Variants in AUTS2 observed in about 807,000 individuals in gnomAD.
The protein encoded by AUTS2 is activator of transcription and developmental regulator AUTS2.
In AUTS2, 17 loss-of-function variants were observed where a neutral mutation model predicts 112.4. The observed-to-expected ratio is 0.15, with a 90% CI of 0.10 to 0.23. The LOEUF is 0.23. Ranked by LOEUF, AUTS2 falls within the 10% of genes least tolerant of loss-of-function variation. AUTS2 has a pLI of 1.00. For synonymous variants in AUTS2, 751 were observed against 702.7 expected (o/e 1.07, Z -1.09); for missense variants, 1,510 against 1,701.6 (o/e 0.89, Z 1.98).
At chr7:70,123,021 G>T (rs1044734308) in intron 3 of AUTS2, among the ~76,000 whole-genome samples, 1 of 151,898 alleles carries the variant, frequency 6.6e-6, no homozygotes, top group African/African-American at 2.4e-5. Flanking sequence ...GATTACAGGC[G>T]CTTGCCACCA....
At chr7:70,412,426 C>T (rs1310694917) in intron 4 of AUTS2, among the ~76,000 whole-genome samples, 1 of 152,060 alleles carries the variant, frequency 6.6e-6, no homozygotes, top group Non-Finnish European at 1.5e-5. Flanking sequence ...CTAAGTAAAT[C>T]CTTGTCAAGG....
At chr7:70,035,354 T>C (rs976780732) in intron 2 of AUTS2, among the ~76,000 whole-genome samples, 1 of 152,166 alleles carries the variant, frequency 6.6e-6, no homozygotes, top group Non-Finnish European at 1.5e-5. Context: ...CCCTGTGGCA[T>C]CAGGATTAGG....
intron 1 of AUTS2, among the ~76,000 whole-genome samples, chr7:69,756,863 A>G (rs533405340): frequency 2.0e-5 from 3 of 152,178 alleles, no homozygotes; most frequent in Non-Finnish European, 4.4e-5. Context: ...TGTTTATTGA[A>G]TTAGTGAATG....
chr7:69,645,187 C>T (rs939875958), intron 1 of AUTS2, among the ~76,000 whole-genome samples: 1 of 151,476 alleles, frequency 6.6e-6, no homozygotes, highest in Non-Finnish European at 1.5e-5. Context: ...ACTGAGATTA[C>T]AGGCATGAGC....
chr7:70,384,608 A>T (rs1243676610), intron 4 of AUTS2, among the ~76,000 whole-genome samples: 2 of 152,176 alleles, frequency 1.3e-5, no homozygotes, highest in African/African-American at 4.8e-5. Context: ...TTGTCTGTGC[A>T]GGGAAAAGAG....
chr7:70,231,562 C>A (rs962060153), intron 4 of AUTS2, among the ~76,000 whole-genome samples: 2 of 151,996 alleles, frequency 1.3e-5, no homozygotes, highest in East Asian at 3.9e-4. Context: ...CCTGCCTCAG[C>A]CTCCCGAGTA....
chr7:70,316,096 A>C (rs540588086), intron 4 of AUTS2, among the ~76,000 whole-genome samples: 3 of 152,364 alleles, frequency 2.0e-5, no homozygotes, highest in South Asian at 4.1e-4. Context: ...TATAAAATAA[A>C]GCAAAATAGG....
intron 4 of AUTS2, among the ~76,000 whole-genome samples, chr7:70,157,702 A>G (rs1807855932): frequency 6.6e-6 from 1 of 152,188 alleles, no homozygotes; most frequent in Non-Finnish European, 1.5e-5. Flanking sequence ...GATGATGATG[A>G]GTCTTCTTAA....
chr7:70,066,603 C>T (rs2129561664), intron 2 of AUTS2, among the ~76,000 whole-genome samples: 1 of 149,356 alleles, frequency 6.7e-6, no homozygotes, highest in South Asian at 2.1e-4. Context: ...TGCAATGGCG[C>T]TGTGTCGGCT....
chr7:70,601,732 T>C (rs997794056), intron 5 of AUTS2, among the ~76,000 whole-genome samples: 12 of 152,020 alleles, frequency 7.9e-5, no homozygotes, highest in African/African-American at 2.9e-4. Context: ...AGTATTCTTT[T>C]ATGGGTTACA....
At chr7:70,660,882 A>G (rs754750438) in intron 5 of AUTS2, among the ~76,000 whole-genome samples, 3 of 152,172 alleles carry the variant, frequency 2.0e-5, no homozygotes, top group African/African-American at 7.2e-5. Flanking sequence ...AAGGCCTACT[A>G]TGTGCCAGAG....
intron 6 of AUTS2, among the ~76,000 whole-genome samples, chr7:70,711,747 C>A (rs1474902616): frequency 3.9e-5 from 6 of 152,186 alleles, no homozygotes; most frequent in Non-Finnish European, 5.9e-5. Context: ...TACAGGTGAA[C>A]AACTGACATC....
At chr7:69,890,825 C>T (rs769379812) in intron 1 of AUTS2, among the ~76,000 whole-genome samples, 4 of 152,184 alleles carry the variant, frequency 2.6e-5, no homozygotes, top group Non-Finnish European at 4.4e-5. Flanking sequence ...TACTTTATGG[C>T]CTAAAGCCAG....
chr7:70,278,317 G>T (rs1471167169), intron 4 of AUTS2, among the ~76,000 whole-genome samples: 1 of 152,092 alleles, frequency 6.6e-6, no homozygotes, highest in South Asian at 2.1e-4. Flanking sequence ...AGTGGCTCAC[G>T]CCTATAATCC....
At chr7:70,196,838 A>T (rs1346064532) in intron 4 of AUTS2, among the ~76,000 whole-genome samples, 2 of 152,206 alleles carry the variant, frequency 1.3e-5, no homozygotes, top group Non-Finnish European at 2.9e-5. Context: ...TTGCCTGTAG[A>T]ACTTGTGAAG....
At chr7:70,243,720 G>C (rs1431673035) in intron 4 of AUTS2, among the ~76,000 whole-genome samples, 1 of 152,074 alleles carries the variant, frequency 6.6e-6, no homozygotes, top group East Asian at 1.9e-4. Flanking sequence ...CAATCTTCTA[G>C]ACACATTGCT....
intron 5 of AUTS2, among the ~76,000 whole-genome samples, chr7:70,447,936 T>C (rs192513317): frequency 2.4e-4 from 37 of 152,322 alleles, no homozygotes; most frequent in African/African-American, 7.9e-4. Context: ...GGCAAATGCT[T>C]TATTCTTTTA....
intron 1 of AUTS2, among the ~76,000 whole-genome samples, chr7:69,849,604 A>G (rs767046773): frequency 3.3e-5 from 5 of 151,866 alleles, no homozygotes; most frequent in African/African-American, 4.8e-5. Context: ...TAAAAATTAT[A>G]TAAATGTTAT....
intron 1 of AUTS2, among the ~76,000 whole-genome samples, chr7:69,891,147 C>T (rs1259588790): frequency 2.6e-5 from 4 of 152,182 alleles, no homozygotes; most frequent in Admixed American, 2.6e-4. Context: ...TTCTTCCTAT[C>T]TCTCCCAGGA....
Sources: allele counts gnomAD v4.1 joint callset (sites outside exome capture counted in the v4.1 genomes callset), GRCh38; gene constraint gnomAD v4.1.1; transcripts MANE v1.5; gene names NCBI Gene and HGNC (gene_info 2026-07-23, HGNC 2026-07-21).